The following TSPAN9 variants were observed in gnomAD, a reference collection of about 807,000 sequenced individuals.
TSPAN9 encodes tetraspanin-9.
TSPAN9 carries 16 observed loss-of-function variants against 31.0 expected under a neutral mutation model. The observed-to-expected ratio is 0.52, with a 90% confidence interval of 0.35 to 0.78. The LOEUF (loss-of-function observed/expected upper bound fraction) is 0.78. Ranked by LOEUF, TSPAN9 falls within the 30% of genes least tolerant of loss-of-function variation. TSPAN9 has a pLI of 0.01. For missense variants in TSPAN9, 272 were observed against 312.5 expected (o/e 0.87, Z 0.98); for synonymous variants, 145 against 121.6 (o/e 1.19, Z -1.27).
intron 2 of TSPAN9, among the ~76,000 whole-genome samples, chr12:3,088,464 TCCA>T: frequency 1.3e-5 from 2 of 152,124 alleles, no homozygotes; most frequent in African/African-American, 4.8e-5. Flanking sequence ...GGGGGGAAGC[TCCA>T]GGCCTGGCTG....
At chr12:3,174,365 C>T (rs1420758884) in intron 2 of TSPAN9, among the ~76,000 whole-genome samples, 1 of 152,154 alleles carries the variant, frequency 6.6e-6, no homozygotes, top group Non-Finnish European at 1.5e-5. Flanking sequence ...CTGCATCTGG[C>T]CATTTCCCTC....
At chr12:3,158,527 G>C (rs1411980011) in intron 2 of TSPAN9, among the ~76,000 whole-genome samples, 1 of 152,068 alleles carries the variant, frequency 6.6e-6, no homozygotes, top group Non-Finnish European at 1.5e-5. Context: ...TTCGAGACCA[G>C]CCTGGCCAGC....
At chr12:3,146,780 G>T (rs1454404229) in intron 2 of TSPAN9, among the ~76,000 whole-genome samples, 2 of 152,086 alleles carry the variant, frequency 1.3e-5, no homozygotes, top group African/African-American at 2.4e-5. Flanking sequence ...AAAAGCTATA[G>T]ATCTTGACCT....
At chr12:3,239,505 T>C (rs1051343385) in intron 3 of TSPAN9, among the ~76,000 whole-genome samples, 4 of 152,238 alleles carry the variant, frequency 2.6e-5, no homozygotes, top group Non-Finnish European at 5.9e-5. Flanking sequence ...GCGAGCAGTG[T>C]CTGCCAGGCA....
intron 2 of TSPAN9, chr12:3,084,231 A>C (rs1461362851): frequency 1.3e-5 from 2 of 152,318 alleles, no homozygotes; most frequent in African/African-American, 4.8e-5. Context: ...TGGTTTGTTC[A>C]TTGTTCCTAG....
At chr12:3,258,607 C>T (rs1413251498) in intron 3 of TSPAN9, among the ~76,000 whole-genome samples, 1 of 141,358 alleles carries the variant, frequency 7.1e-6, no homozygotes, top group Non-Finnish European at 1.5e-5. Context: ...CATTTCTTAT[C>T]TTCCCTCCTC....
intron 3 of TSPAN9, chr12:3,211,908 C>T (rs978297035): frequency 3.2e-5 from 51 of 1,575,906 alleles, no homozygotes; most frequent in Admixed American, 2.0e-4. Context: ...AGATCCTTTG[C>T]GAGAGGCATG....
chr12:3,113,768 C>T (rs980813183), intron 2 of TSPAN9, among the ~76,000 whole-genome samples: 55 of 152,184 alleles, frequency 3.6e-4, no homozygotes, highest in African/African-American at 1.3e-3. Context: ...CCTGCAGCCT[C>T]AGTGTCCTTT....
intron 1 of TSPAN9, among the ~76,000 whole-genome samples, chr12:3,081,404 T>C (rs892134941): frequency 2.6e-5 from 4 of 152,130 alleles, no homozygotes; most frequent in Non-Finnish European, 5.9e-5. Flanking sequence ...GCCAGACTTA[T>C]CTCCCAAGCA....
At chr12:3,106,653 C>T (rs912475915) in intron 2 of TSPAN9, among the ~76,000 whole-genome samples, 3 of 152,144 alleles carry the variant, frequency 2.0e-5, no homozygotes, top group Non-Finnish European at 4.4e-5. Flanking sequence ...TGCCTGTAGT[C>T]ACAGCTGCTT....
intron 2 of TSPAN9, among the ~76,000 whole-genome samples, chr12:3,153,498 GCTTT>G (rs945607100): frequency 5.5e-4 from 83 of 151,956 alleles, no homozygotes; most frequent in African/African-American, 1.9e-3. Context: ...CATTCTATTT[GCTTT>G]CTTTAACATT....
intron 1 of TSPAN9, among the ~76,000 whole-genome samples, chr12:3,080,422 G>T (rs1281534409): frequency 6.6e-6 from 1 of 152,084 alleles, no homozygotes; most frequent in Non-Finnish European, 1.5e-5. Context: ...TGCAACCTCC[G>T]CCTCCCGGGT....
At chr12:3,097,711 G>A (rs1249994492) in intron 2 of TSPAN9, among the ~76,000 whole-genome samples, 5 of 152,234 alleles carry the variant, frequency 3.3e-5, no homozygotes, top group Non-Finnish European at 7.4e-5. Context: ...CGCAATCCAT[G>A]CCTCTGGGGG....
chr12:3,162,143 T>C (rs58024515), intron 2 of TSPAN9, among the ~76,000 whole-genome samples: 4,329 of 152,168 alleles, frequency 0.028, 215 homozygotes, highest in African/African-American at 0.099. Context: ...GTTTAAGAGC[T>C]TGGCACCTGG....
intron 2 of TSPAN9, among the ~76,000 whole-genome samples, chr12:3,195,294 A>C (rs2098366518): frequency 6.6e-6 from 1 of 152,246 alleles, no homozygotes; most frequent in African/African-American, 2.4e-5. Flanking sequence ...ACAGAGAGGC[A>C]GAGAGAGCTT....
intron 3 of TSPAN9, among the ~76,000 whole-genome samples, chr12:3,222,149 T>C (rs901083025): frequency 2.0e-5 from 3 of 152,202 alleles, no homozygotes; most frequent in Admixed American, 6.5e-5. Context: ...TAAGCATTTA[T>C]TGAACTTTTA....
chr12:3,218,728 G>A (rs540901332), intron 3 of TSPAN9, among the ~76,000 whole-genome samples: 204 of 152,286 alleles, frequency 1.3e-3, no homozygotes, highest in Middle Eastern at 0.01. Flanking sequence ...GCCTCGGGCC[G>A]CCTCCCTTCC....
At chr12:3,189,711 G>A (rs1161038140) in intron 2 of TSPAN9, among the ~76,000 whole-genome samples, 14 of 152,166 alleles carry the variant, frequency 9.2e-5, no homozygotes, top group Admixed American at 6.5e-4. Flanking sequence ...GGTTTCAGAC[G>A]GGCTGGATGC....
intron 2 of TSPAN9, among the ~76,000 whole-genome samples, chr12:3,101,661 G>A (rs185113993): frequency 3.9e-5 from 6 of 152,310 alleles, no homozygotes; most frequent in African/African-American, 1.2e-4. Flanking sequence ...CCCCTGGGCG[G>A]TGTCTGTGCT....
Sources: gnomAD v4.1 joint callset for allele counts (sites outside exome capture counted in the v4.1 genomes callset) on GRCh38, gnomAD v4.1.1 for gene constraint, MANE v1.5 for transcripts, NCBI Gene and HGNC (gene_info 2026-07-23, HGNC 2026-07-21) for gene names.